Variants in CARMIL1 observed in about 807,000 individuals in gnomAD.
CARMIL1 encodes capping protein regulator and myosin 1 linker 1.
Under a neutral mutation model 177.1 loss-of-function variants are expected in CARMIL1, and 90 were observed. That is an observed-to-expected ratio of 0.51 (90% confidence interval 0.43 to 0.61). CARMIL1 has a LOEUF of 0.61. Ranked by LOEUF, CARMIL1 falls within the 20% of genes least tolerant of loss-of-function variation. The pLI, the probability that CARMIL1 is intolerant of heterozygous loss-of-function variation, is 0.00. For missense variants in CARMIL1, 1,380 were observed against 1,667.0 expected (o/e 0.83, Z 3.00); for synonymous variants, 577 against 606.2 (o/e 0.95, Z 0.71).
intron 2 of CARMIL1, among the ~76,000 whole-genome samples, chr6:25,380,933 A>G (rs139896859): frequency 7.2e-5 from 11 of 152,222 alleles, no homozygotes; most frequent in Non-Finnish European, 1.6e-4. Flanking sequence ...TTGAGGGTAC[A>G]CCTATCTTTT....
chr6:25,301,519 A>G (rs1782859274), intron 2 of CARMIL1, among the ~76,000 whole-genome samples: 1 of 152,174 alleles, frequency 6.6e-6, no homozygotes, highest in Non-Finnish European at 1.5e-5. Flanking sequence ...CTCATGTTAA[A>G]TCATCATTAA....
chr6:25,390,314 ATATATATTT>A (rs1383932921), intron 2 of CARMIL1, among the ~76,000 whole-genome samples: 143 of 39,470 alleles, frequency 3.6e-3, no homozygotes, highest in African/African-American at 0.013. Context: ...ATATATATAT[ATATATATTT>A]TTTTTTTTTT....
intron 31 of CARMIL1, among the ~76,000 whole-genome samples, chr6:25,587,784 A>G (rs936484997): frequency 6.6e-6 from 1 of 152,206 alleles, no homozygotes; most frequent in South Asian, 2.1e-4. Flanking sequence ...CCTCAGTTGA[A>G]TTGACTGTCA....
intron 31 of CARMIL1, among the ~76,000 whole-genome samples, 173 bp from the exon 32 acceptor site, chr6:25,594,242 C>T (rs956415892): frequency 4.6e-5 from 7 of 152,196 alleles, no homozygotes; most frequent in African/African-American, 1.7e-4. Flanking sequence ...TTTGTTTCTT[C>T]TTGTCTGTGT....
intron 29 of CARMIL1, among the ~76,000 whole-genome samples, chr6:25,574,679 A>G (rs189941201): frequency 6.6e-6 from 1 of 152,380 alleles, no homozygotes; most frequent in Admixed American, 6.5e-5. Context: ...TAGAGTTTAC[A>G]TAAATGGCAT....
chr6:25,290,350 C>T (rs1781847269), intron 2 of CARMIL1, among the ~76,000 whole-genome samples: 5 of 151,442 alleles, frequency 3.3e-5, no homozygotes, highest in Admixed American at 3.3e-4. Flanking sequence ...CTGCCTTGGC[C>T]TCCCAAAGTG....
chr6:25,337,805 T>C (rs1365874609), intron 2 of CARMIL1, among the ~76,000 whole-genome samples: 1 of 152,188 alleles, frequency 6.6e-6, no homozygotes, highest in Non-Finnish European at 1.5e-5. Context: ...CGTGATATAG[T>C]GAGGAGTTTT....
intron 2 of CARMIL1, among the ~76,000 whole-genome samples, chr6:25,410,331 A>C (rs1397917214): frequency 6.6e-6 from 1 of 152,240 alleles, no homozygotes; most frequent in African/African-American, 2.4e-5. Context: ...GACTTACAGT[A>C]AAAGAAAAGT....
intron 31 of CARMIL1, among the ~76,000 whole-genome samples, chr6:25,592,056 T>C (rs1814364743): frequency 6.6e-6 from 1 of 152,134 alleles, no homozygotes; most frequent in African/African-American, 2.4e-5. Context: ...TTTTGTTTGT[T>C]TGTTTGTTTC....
At chr6:25,477,037 C>T (rs372989660) in intron 11 of CARMIL1, among the ~76,000 whole-genome samples, 14 of 146,552 alleles carry the variant, frequency 9.6e-5, no homozygotes, top group Middle Eastern at 3.5e-3. Context: ...TGCAGTGAGC[C>T]GAGATTGTGT....
intron 29 of CARMIL1, among the ~76,000 whole-genome samples, chr6:25,560,335 A>C (rs1471180379): frequency 6.6e-6 from 1 of 152,132 alleles, no homozygotes; most frequent in Non-Finnish European, 1.5e-5. Flanking sequence ...CACAGTGGGG[A>C]GGAAGATAAC....
chr6:25,337,561 C>T (rs971049781), intron 2 of CARMIL1, among the ~76,000 whole-genome samples: 7 of 152,206 alleles, frequency 4.6e-5, no homozygotes, highest in Non-Finnish European at 1.0e-4. Flanking sequence ...GATCCGTGTC[C>T]ATAATGGCAT....
chr6:25,493,309 T>C (rs1196859571), intron 15 of CARMIL1, among the ~76,000 whole-genome samples: 1 of 152,224 alleles, frequency 6.6e-6, no homozygotes, highest in Non-Finnish European at 1.5e-5. Context: ...TACCTAGATA[T>C]AGTTGTAGAA....
At chr6:25,387,113 C>CAAA (rs1581762422) in intron 2 of CARMIL1, among the ~76,000 whole-genome samples, 1 of 21,818 alleles carries the variant, frequency 4.6e-5, no homozygotes, top group Admixed American at 4.6e-4. Context: ...GACTCTGTCT[C>CAAA]CAAAAAAAAA....
chr6:25,609,386 G>C (rs1816301188), intron 35 of CARMIL1, among the ~76,000 whole-genome samples: 1 of 151,048 alleles, frequency 6.6e-6, no homozygotes, highest in African/African-American at 2.4e-5. Context: ...GAATCGCTTA[G>C]ACCCAGGAGG....
At chr6:25,483,863 G>A (rs1802371523) in intron 12 of CARMIL1, among the ~76,000 whole-genome samples, 1 of 151,988 alleles carries the variant, frequency 6.6e-6, no homozygotes, top group South Asian at 2.1e-4. Flanking sequence ...AACCTCCTGG[G>A]CTCAAGCGAT....
At chr6:25,490,840 T>G (rs1460674909) in intron 13 of CARMIL1, among the ~76,000 whole-genome samples, 3 of 152,246 alleles carry the variant, frequency 2.0e-5, no homozygotes, top group African/African-American at 7.2e-5. Flanking sequence ...AATTCCTTGA[T>G]AGGATTCTTC....
chr6:25,325,262 TATGTG>T (rs1483208443), intron 2 of CARMIL1, among the ~76,000 whole-genome samples: 1 of 152,174 alleles, frequency 6.6e-6, no homozygotes, highest in Non-Finnish European at 1.5e-5. Context: ...TACGTGCCAT[TATGTG>T]AGGCAGAAGT....
intron 2 of CARMIL1, among the ~76,000 whole-genome samples, chr6:25,340,896 A>T (rs1480085295): frequency 6.7e-6 from 1 of 150,248 alleles, no homozygotes; most frequent in Non-Finnish European, 1.5e-5. Context: ...CTGACCATGT[A>T]ATAAATGATT....
Sources: gnomAD v4.1 joint callset for allele counts (sites outside exome capture counted in the v4.1 genomes callset) on GRCh38, gnomAD v4.1.1 for gene constraint, MANE v1.5 for transcripts, NCBI Gene and HGNC (gene_info 2026-07-23, HGNC 2026-07-21) for gene names.